The following GAD2 variants were observed in gnomAD, a reference collection of about 807,000 sequenced individuals.
The protein encoded by GAD2 is glutamate decarboxylase 2, also known as 65 kDa glutamic acid decarboxylase.
Under a neutral mutation model 80.1 loss-of-function variants are expected in GAD2, and 22 were observed. The ratio of observed to expected loss-of-function variants is 0.27; its 90% CI spans 0.20 to 0.39. The LOEUF (loss-of-function observed/expected upper bound fraction) is 0.39. Ranked by LOEUF, GAD2 falls within the 10% of genes least tolerant of loss-of-function variation. The probability of loss-of-function intolerance (pLI) is 1.00; values close to 1 mark genes in which losing one functional copy is unlikely to be tolerated. For missense variants in GAD2, 624 were observed against 738.4 expected, an observed-to-expected ratio of 0.85 and a Z score of 1.80; for synonymous variants, 274 against 256.9, an observed-to-expected ratio of 1.07 and a Z score of -0.64.
At chr10:26,235,388 C>G (rs532407334) in intron 7 of GAD2, among the ~76,000 whole-genome samples, 16 of 152,294 alleles carry the variant, frequency 1.1e-4, no homozygotes, top group African/African-American at 3.8e-4. Flanking sequence ...TGACCCTTCA[C>G]TCTGTCTCTG....
intron 4 of GAD2, among the ~76,000 whole-genome samples, chr10:26,222,465 G>A (rs1844464717): frequency 6.6e-6 from 1 of 151,976 alleles, no homozygotes; most frequent in African/African-American, 2.4e-5. Flanking sequence ...TGTGATTTCA[G>A]CTGCGAGCAT....
intron 15 of GAD2, among the ~76,000 whole-genome samples, chr10:26,293,719 T>A (rs1221689880): frequency 6.6e-6 from 1 of 152,214 alleles, no homozygotes; most frequent in African/African-American, 2.4e-5. Flanking sequence ...AGGTCAAGGC[T>A]ACCCTGGGTG....
intron 7 of GAD2, among the ~76,000 whole-genome samples, chr10:26,244,320 T>C (rs150173920): frequency 6.6e-6 from 1 of 152,214 alleles, no homozygotes; most frequent in African/African-American, 2.4e-5. Context: ...GAGCACTGTA[T>C]GGATGTTCTT....
intron 8 of GAD2, among the ~76,000 whole-genome samples, chr10:26,259,140 G>A (rs571757907): frequency 1.3e-5 from 2 of 152,234 alleles, no homozygotes; most frequent in African/African-American, 2.4e-5. Flanking sequence ...TTGACTAATA[G>A]GAATAACGCT....
chr10:26,287,247 A>G lies in GAD2; in HGVS notation c.1386+753A>G, dbSNP rs541459574. ...CCATCCGGCTTCATTTGTCTCCTGTAGGAGATAAATAGACAGAGCCAGCTG... is the reference window on the plus strand; with the variant it reads ...CCATCCGGCTTCATTTGTCTCCTGTGGGAGATAAATAGACAGAGCCAGCTG... On this transcript the variant is annotated intron_variant, in intron 13 of 15. Coordinates refer to ENST00000376261, the MANE Select transcript of GAD2 (RefSeq NM_001134366.2). 2.7e-4 allele frequency among the ~76,000 whole-genome samples: 41 copies of G among 152,340 alleles called. 1 individual carries two copies. The highest frequency in any genetic ancestry group is 9.9e-4 in the African/African-American group (41 of 41,580).
chr10:26,220,891 G>T (rs1398980085), intron 4 of GAD2, among the ~76,000 whole-genome samples: 1 of 152,194 alleles, frequency 6.6e-6, no homozygotes, highest in Non-Finnish European at 1.5e-5. Flanking sequence ...TTAGTGCCAG[G>T]AAAAGATGGG....
intron 7 of GAD2, among the ~76,000 whole-genome samples, chr10:26,233,799 A>G (rs1184035091): frequency 6.6e-6 from 1 of 152,172 alleles, no homozygotes; most frequent in Non-Finnish European, 1.5e-5. Flanking sequence ...TCTTTCCTCA[A>G]TTGCTTGGCT....
At chr10:26,257,836 A>C (rs1844961969) in intron 8 of GAD2, among the ~76,000 whole-genome samples, 1 of 152,232 alleles carries the variant, frequency 6.6e-6, no homozygotes, top group Admixed American at 6.5e-5. Context: ...AAATTAGCTG[A>C]ATTGTAACCA....
chr10:26,223,096 T>C (rs567833605), intron 4 of GAD2, among the ~76,000 whole-genome samples: 27 of 152,346 alleles, frequency 1.8e-4, no homozygotes, highest in African/African-American at 5.8e-4. Flanking sequence ...TTTAGAGGAA[T>C]CTAGAAGTTA....
Position 26,216,919 on chromosome 10 carries a change from G to A in GAD2, c.76+34G>A. The A allele has an allele frequency of 1.3e-6, 2 of 1,579,488 alleles. No individual in the cohort carries two copies. The highest frequency in any genetic ancestry group is 1.7e-6 in the Non-Finnish European group (2 of 1,152,850). On this transcript the variant is annotated intron_variant, in intron 1 of 15. Transcript: ENST00000376261. The surrounding 1 kb of genome is among the most constrained non-coding windows in gnomAD (Gnocchi z 4.7). Reference sequence around the variant, plus strand: ...GAGAACGGGGGCCTGCGGCGGGCGAGTTTTGCGGTGGTCTGGGGTTTGCGG... The same window carrying A: ...GAGAACGGGGGCCTGCGGCGGGCGAATTTTGCGGTGGTCTGGGGTTTGCGG...
chr10:26,229,631 T>A (rs767160457), intron 6 of GAD2, 31 bp from the exon 7 acceptor site: 2 of 1,466,932 alleles, frequency 1.4e-6, no homozygotes, highest in Admixed American at 3.4e-5. Context: ...TGATAATAAA[T>A]AAAGTAACTG....
chr10:26,219,296 A>T lies in GAD2; in HGVS notation c.520+20A>T. ...AAACAGGTATTGTCTCATCGAAAAT[A>T]ATAAAGCTCTTTTTTCGTTTACAAT... On this transcript the variant is annotated intron_variant, in intron 4 of 15. Transcript: ENST00000376261. 1.4e-6 allele frequency: 2 copies of T among 1,391,312 alleles called. No individual in the cohort carries two copies. Among genetic ancestry groups the T allele is most frequent in the Non-Finnish European group, 2.0e-6 (2 of 1,008,702 alleles). 86.2% of individuals were successfully genotyped at this position (1,391,312 alleles called of 1,614,324 possible).
rs1385368418 is a variant in GAD2, at chr10:26,270,714, C to T, written c.1050C>T (p.Val350=). 7 of 1,613,918 alleles carry T rather than the reference C, an allele frequency of 4.3e-6. No homozygotes were observed. The highest frequency in any genetic ancestry group is 2.2e-5 in the East Asian group (1 of 44,902). The part of the protein sequence containing the change: ...VYGAFDPLLA[V]ADICKKYKIW... ...GAGCATTTGACCCCCTCTTAGCTGTCGCTGACATTTGCAAAAAGTATAAGA... is the reference window on the plus strand; with the variant it reads ...GAGCATTTGACCCCCTCTTAGCTGTTGCTGACATTTGCAAAAAGTATAAGA... Residue 350 remains valine, a synonymous_variant, in exon 10 of 16, where the codon GTC becomes GTT. Transcript: ENST00000376261.
chr10:26,289,430 T>A (rs962394591), intron 13 of GAD2, among the ~76,000 whole-genome samples: 1 of 152,314 alleles, frequency 6.6e-6, no homozygotes, highest in African/African-American at 2.4e-5. Flanking sequence ...AGCCTAAGTA[T>A]AAATTATTCT....
At chr10:26,268,945 A>T (rs1311828708) in intron 8 of GAD2, among the ~76,000 whole-genome samples, 174 bp from the exon 9 acceptor site, 1 of 152,236 alleles carries the variant, frequency 6.6e-6, no homozygotes, top group Non-Finnish European at 1.5e-5. Flanking sequence ...AATGATAGTC[A>T]TGCCTCATCC....
intron 6 of GAD2, among the ~76,000 whole-genome samples, chr10:26,224,995 A>G (rs1023572370): frequency 2.6e-5 from 4 of 152,202 alleles, no homozygotes; most frequent in Admixed American, 1.3e-4. Flanking sequence ...TGCTCTTCCT[A>G]GAATTAGTGA....
In GAD2 at chr10:26,217,599, C is replaced by T. The variant is rs1215582350; in HGVS notation, c.77-11C>T. Reference sequence around the variant, plus strand: ...CTGCCTCGCTGTCTGCCTGCCTATTCTTCCTTGCAGCGCGAGCCTGGTGCC... The same window carrying T: ...CTGCCTCGCTGTCTGCCTGCCTATTTTTCCTTGCAGCGCGAGCCTGGTGCC... On this transcript the variant is annotated splice_polypyrimidine_tract_variant and intron_variant, in intron 1 of 15. Coordinates refer to ENST00000376261, the MANE Select transcript of GAD2 (RefSeq NM_001134366.2). This position sits in a 1 kb window ranked among gnomAD's most constrained non-coding sequence, Gnocchi z 4.9. 18 of 1,610,908 alleles carry T rather than the reference C, an allele frequency of 1.1e-5. No homozygotes were observed. Among genetic ancestry groups the T allele is most frequent in the Non-Finnish European group, 1.5e-5 (18 of 1,178,704 alleles).
intron 3 of GAD2, chr10:26,218,235 G>A: frequency 2.5e-6 from 1 of 405,906 alleles, no homozygotes. Context: ...CCCCAGCGCG[G>A]CCCTTGGGAT....
chr10:26,219,396 T>A, intron 4 of GAD2, 120 bp downstream of exon 4: 2 of 646,692 alleles, frequency 3.1e-6, no homozygotes, highest in Non-Finnish European at 5.1e-6. Context: ...AAAGTTATTT[T>A]CATCATGTAA....
Sources: gnomAD v4.1 joint callset for allele counts (sites outside exome capture counted in the v4.1 genomes callset) on GRCh38, gnomAD v4.1.1 for gene constraint, Gnocchi (gnomAD v3.1) non-coding constraint, MANE v1.5 for transcripts, NCBI Gene and HGNC (gene_info 2026-07-23, HGNC 2026-07-21) for gene names.